Variants in RBM47 observed in about 807,000 individuals in gnomAD.
The protein encoded by RBM47 is RNA binding motif protein 47.
Under a neutral mutation model 47.1 loss-of-function variants are expected in RBM47, and 21 were observed. The observed-to-expected ratio is 0.45, with a 90% CI of 0.32 to 0.64. RBM47 has a LOEUF of 0.64. RBM47 is among the 30% of genes least tolerant of loss of function. The pLI, the probability that RBM47 is intolerant of heterozygous loss-of-function variation, is 0.05. For synonymous variants in RBM47, 375 were observed against 361.7 expected (o/e 1.04, Z -0.42); for missense variants, 708 against 870.9 (o/e 0.81, Z 2.35).
At chr4:40,536,659 T>C (rs1728012806) in intron 2 of RBM47, among the ~76,000 whole-genome samples, 1 of 152,086 alleles carries the variant, frequency 6.6e-6, no homozygotes, top group African/African-American at 2.4e-5. Flanking sequence ...ATGTTATTGG[T>C]TGAGTCATGG....
intron 1 of RBM47, among the ~76,000 whole-genome samples, chr4:40,563,282 G>A (rs1421179280): frequency 6.6e-6 from 1 of 152,156 alleles, no homozygotes; most frequent in Non-Finnish European, 1.5e-5. Flanking sequence ...CATTCAATTA[G>A]GCTAGCTCCA....
At chr4:40,564,611 T>C (rs1297435934) in intron 1 of RBM47, among the ~76,000 whole-genome samples, 1 of 152,170 alleles carries the variant, frequency 6.6e-6, no homozygotes, top group Non-Finnish European at 1.5e-5. Flanking sequence ...TGGTTTATCA[T>C]CAAACATGAA....
At chr4:40,549,112 G>C (rs189045248) in intron 1 of RBM47, among the ~76,000 whole-genome samples, 6 of 150,746 alleles carry the variant, frequency 4.0e-5, no homozygotes, top group Admixed American at 2.0e-4. Context: ...TTTTTTTTGG[G>C]GGGGGGGACA....
chr4:40,576,410 C>G (rs2154270029), intron 1 of RBM47, among the ~76,000 whole-genome samples: 1 of 152,138 alleles, frequency 6.6e-6, no homozygotes, highest in South Asian at 2.1e-4. Flanking sequence ...CAACAGCCAC[C>G]ATGCCTGGCC....
intron 1 of RBM47, among the ~76,000 whole-genome samples, chr4:40,599,678 G>A (rs1381601370): frequency 6.6e-6 from 1 of 151,264 alleles, no homozygotes; most frequent in Non-Finnish European, 1.5e-5. Flanking sequence ...AAGGTGTCAG[G>A]CATGTGAGCA....
At chr4:40,571,667 T>G (rs1217098136) in intron 1 of RBM47, among the ~76,000 whole-genome samples, 1 of 151,994 alleles carries the variant, frequency 6.6e-6, no homozygotes, top group Admixed American at 6.5e-5. Context: ...GACTACACTT[T>G]GGATACAGTG....
chr4:40,556,074 C>T (rs926769116), intron 1 of RBM47, among the ~76,000 whole-genome samples: 1 of 149,738 alleles, frequency 6.7e-6, no homozygotes, highest in Non-Finnish European at 1.5e-5. Flanking sequence ...CTGGCTCTGT[C>T]GCGCAGGCTG....
intron 3 of RBM47, among the ~76,000 whole-genome samples, chr4:40,448,958 T>C (rs1714979096): frequency 6.6e-6 from 1 of 152,172 alleles, no homozygotes; most frequent in Admixed American, 6.5e-5. Flanking sequence ...GAAAAACAGT[T>C]TCTGCAAAAG....
chr4:40,585,565 C>T (rs1227837165), intron 1 of RBM47, among the ~76,000 whole-genome samples: 5 of 152,192 alleles, frequency 3.3e-5, no homozygotes. Context: ...TACTAGCAGC[C>T]TTGATTAGCC....
Position 40,498,662 on chromosome 4 carries a change from C to T in RBM47, c.-154-31963G>A, listed in dbSNP as rs556869194. Among the ~76,000 whole-genome samples the T allele has an allele frequency of 4.9e-3, 536 of 110,410 alleles. 2 individuals are homozygous for T. The highest frequency in any genetic ancestry group is 0.019 in the African/African-American group (514 of 26,934). The allele number at this position is 110,410 out of a possible 152,430, so 72.4% of individuals were successfully genotyped here. A position where few individuals can be genotyped will look rare whatever the true frequency, so the allele number is the denominator to read the frequency against. On this transcript the variant is annotated intron_variant, in intron 2 of 6. Transcript: ENST00000295971. ...CACTCCAGCCTGGGCAACAGAGAGA[C>T]TCCATCTCAAAAAAAAAAAAAAAAA...
At chr4:40,518,864 A>G (rs1725890622) in intron 2 of RBM47, among the ~76,000 whole-genome samples, 1 of 152,032 alleles carries the variant, frequency 6.6e-6, no homozygotes, top group South Asian at 2.1e-4. Context: ...ATTCAAAGCC[A>G]TCCTGGACAT....
At chr4:40,556,656 G>A (rs975388997) in intron 1 of RBM47, among the ~76,000 whole-genome samples, 2 of 152,162 alleles carry the variant, frequency 1.3e-5, no homozygotes, top group African/African-American at 2.4e-5. Flanking sequence ...TTGGGAGACT[G>A]AGGCGGGAGG....
chr4:40,438,139 T>C lies in RBM47; in HGVS notation c.755A>G (p.Asn252Ser). Residue 252 changes from asparagine to serine, a missense_variant, in exon 4 of 7, where the codon AAC becomes AGC. Physicochemically the swap from Asn to Ser is conservative, Grantham distance 46 (BLOSUM62 1). Coordinates refer to ENST00000295971, the MANE Select transcript of RBM47 (RefSeq NM_001098634.2). Reference sequence around the variant, plus strand: ...GTCCTCGGTGGTCTCGATCATGAGGTTGCGCACGTAGAGGATCTTCACGGT... The same window carrying C: ...GTCCTCGGTGGTCTCGATCATGAGGCTGCGCACGTAGAGGATCTTCACGGT... ...METVKILYVR[N>S]LMIETTEDTI... The C allele has an allele frequency of 1.2e-6, 2 of 1,612,756 alleles. No individual in the cohort carries two copies. The highest frequency in any genetic ancestry group is 2.2e-5 in the East Asian group (1 of 44,846).
At chr4:40,482,109 T>C (rs1306387728) in intron 2 of RBM47, among the ~76,000 whole-genome samples, 4 of 152,146 alleles carry the variant, frequency 2.6e-5, no homozygotes, top group East Asian at 1.9e-4. Flanking sequence ...TTACAACATA[T>C]AGAATACACA....
intron 1 of RBM47, among the ~76,000 whole-genome samples, chr4:40,613,123 T>TTAA: frequency 6.6e-6 from 1 of 152,344 alleles, no homozygotes; most frequent in South Asian, 2.1e-4. Flanking sequence ...ATGTGTTCAT[T>TTAA]TAATATAAGT....
At chr4:40,621,639 T>C (rs1204059717) in intron 1 of RBM47, among the ~76,000 whole-genome samples, 1 of 152,226 alleles carries the variant, frequency 6.6e-6, no homozygotes, top group Non-Finnish European at 1.5e-5. Context: ...CAGAAAATCA[T>C]TAATTATAAT....
At chr4:40,507,806 G>A (rs528104064) in intron 2 of RBM47, among the ~76,000 whole-genome samples, 12 of 152,046 alleles carry the variant, frequency 7.9e-5, no homozygotes, top group African/African-American at 2.9e-4. Context: ...TCCAGAGCAA[G>A]TCTTATTTTT....
chr4:40,465,899 C>T (rs1717940170), intron 3 of RBM47, among the ~76,000 whole-genome samples: 1 of 152,092 alleles, frequency 6.6e-6, no homozygotes, highest in Non-Finnish European at 1.5e-5. Flanking sequence ...AAGATACTAT[C>T]ACACTGAATC....
chr4:40,573,019 G>A (rs1731883696), intron 1 of RBM47, among the ~76,000 whole-genome samples: 1 of 151,502 alleles, frequency 6.6e-6, no homozygotes, highest in South Asian at 2.1e-4. Context: ...TGGGTGTGGT[G>A]GTAGGTGCCT....
Sources: gnomAD v4.1 joint callset for allele counts (sites outside exome capture counted in the v4.1 genomes callset) on GRCh38, gnomAD v4.1.1 for gene constraint, MANE v1.5 for transcripts, NCBI Gene and HGNC (gene_info 2026-07-23, HGNC 2026-07-21) for gene names.